Variants in CHORDC1 observed in about 807,000 individuals in gnomAD.
CHORDC1 encodes the protein cysteine and histidine rich domain containing 1, also known as cysteine and histidine-rich domain-containing protein 1.
CHORDC1 carries 25 observed loss-of-function variants against 48.3 expected under a neutral mutation model. The observed-to-expected ratio is 0.52, with a 90% CI of 0.38 to 0.72. The LOEUF is 0.72. Among genes scored for constraint, CHORDC1 ranks in the 30% least tolerant of loss-of-function variants. CHORDC1 has a pLI of 0.00. For synonymous variants in CHORDC1, 128 were observed against 126.4 expected, an observed-to-expected ratio of 1.01 and a Z score of -0.09; for missense variants, 317 against 388.7, an observed-to-expected ratio of 0.82 and a Z score of 1.55.
At chr11:90,221,353 A>C (rs1331680729) in intron 1 of CHORDC1, among the ~76,000 whole-genome samples, 1 of 152,172 alleles carries the variant, frequency 6.6e-6, no homozygotes, top group African/African-American at 2.4e-5. Flanking sequence ...CTCTAAAAAA[A>C]CCGTCATTTC....
chr11:90,202,223 CAAAA>C lies in CHORDC1; in HGVS notation c.*178_*181del. 2 of 597,306 alleles carry C rather than the reference CAAAA, an allele frequency of 3.3e-6. No individual in the cohort carries two copies. The highest frequency in any genetic ancestry group is 4.2e-5 in the South Asian group (2 of 47,810). 37.0% of individuals were successfully genotyped at this position (597,306 alleles called of 1,614,324 possible). ...AATGAATAATCAATCTTACATAACA[CAAAA>C]GAAAGATGAGAGGCACAAAAAGACA... On this transcript the variant is annotated 3_prime_UTR_variant, in exon 11 of 11. Coordinates refer to ENST00000320585, the MANE Select transcript of CHORDC1 (RefSeq NM_012124.3).
chr11:90,218,110 A>G, intron 2 of CHORDC1, 25 bp downstream of exon 2: 1 of 1,507,764 alleles, frequency 6.6e-7, no homozygotes, highest in South Asian at 1.3e-5. Flanking sequence ...CACAGATATG[A>G]AAAAAATGAA....
intron 6 of CHORDC1, 72 bp downstream of exon 6, chr11:90,210,462 TGA>T: frequency 1.1e-6 from 1 of 877,996 alleles, no homozygotes; most frequent in Non-Finnish European, 1.9e-6. Flanking sequence ...TTTGTTGAAT[TGA>T]GTCAGCAAAC....
Position 90,203,445 on chromosome 11 carries a change from C to A in CHORDC1, c.670-18G>T. 6.6e-7 allele frequency: 1 copy of A among 1,514,084 alleles called. No individual in the cohort carries two copies. Among genetic ancestry groups the A allele is most frequent in the Non-Finnish European group, 9.0e-7 (1 of 1,114,028 alleles). 93.8% of individuals were successfully genotyped at this position (1,514,084 alleles called of 1,614,324 possible). The stretch of plus-strand genomic sequence containing the variant: ...TTTTTCCCCTGTAATGTAAGAGAAA[C>A]TCTGTAAGTTAAAAAAGTGCCACAT... On this transcript the variant is annotated intron_variant, in intron 8 of 10. Transcript: ENST00000320585.
chr11:90,217,368 G>A (rs1858039566), intron 2 of CHORDC1, among the ~76,000 whole-genome samples: 2 of 152,114 alleles, frequency 1.3e-5, no homozygotes. Flanking sequence ...CTCTTTAAAT[G>A]TATCATACTA....
chr11:90,217,917 G>C (rs1443189744), intron 2 of CHORDC1: 2 of 281,772 alleles, frequency 7.1e-6, no homozygotes, highest in Middle Eastern at 9.9e-4. Flanking sequence ...AAAAAACCCA[G>C]AATTAAAATA....
intron 8 of CHORDC1, 107 bp from the exon 9 acceptor site, chr11:90,203,534 A>C: frequency 9.5e-7 from 1 of 1,051,682 alleles, no homozygotes; most frequent in Non-Finnish European, 1.3e-6. Flanking sequence ...ACAACAACTA[A>C]GCACTTAATG....
rs4753261 is a variant in CHORDC1, at chr11:90,200,742, T to C, written c.*1663A>G. Among the ~76,000 whole-genome samples, 1 of 151,712 alleles carries C rather than the reference T, an allele frequency of 6.6e-6. No homozygotes were observed. Among genetic ancestry groups the C allele is most frequent in the East Asian group, 1.9e-4 (1 of 5,174 alleles). On this transcript the variant is annotated 3_prime_UTR_variant, in exon 11 of 11. Transcript: ENST00000320585. Reference sequence around the variant, plus strand: ...CTTCAAATAATATTTCAATTACATGTAACAGATTAAGATACTGTTTAGGGG... The same window carrying C: ...CTTCAAATAATATTTCAATTACATGCAACAGATTAAGATACTGTTTAGGGG...
chr11:90,207,883 C>G (rs373000397), intron 6 of CHORDC1: 1 of 148,976 alleles, frequency 6.7e-6, no homozygotes, highest in Admixed American at 6.7e-5. Context: ...CCTTGGAAAA[C>G]TATGTGGAAG....
At chr11:90,205,396 A>C (rs1238038081) in intron 8 of CHORDC1, 64 bp downstream of exon 8, 5 of 1,032,252 alleles carry the variant, frequency 4.8e-6, no homozygotes, top group Non-Finnish European at 5.9e-6. Context: ...AATAATTTCA[A>C]ATCTTTAAAA....
In CHORDC1 at chr11:90,222,980, G is replaced by A. The variant is rs1028913453; in HGVS notation, c.-26C>T. 73 of 1,601,888 alleles carry A rather than the reference G, an allele frequency of 4.6e-5. No individual in the cohort carries two copies. The highest frequency in any genetic ancestry group is 6.2e-5 in the Non-Finnish European group (73 of 1,169,220). ...TTTCTTTTCCCACCGTCACAGGCAA[G>A]GCCCAAACACCGGGAACGGCAAGAG... On this transcript the variant is annotated 5_prime_UTR_variant, in exon 1 of 11. Coordinates refer to ENST00000320585, the MANE Select transcript of CHORDC1 (RefSeq NM_012124.3).
At chr11:90,204,249 T>C (rs2135026978) in intron 8 of CHORDC1, among the ~76,000 whole-genome samples, 1 of 152,310 alleles carries the variant, frequency 6.6e-6, no homozygotes, top group East Asian at 1.9e-4. Context: ...TATCTAGGAT[T>C]ATACTCCCAA....
intron 8 of CHORDC1, among the ~76,000 whole-genome samples, chr11:90,204,652 C>T (rs527561634): frequency 7.5e-4 from 114 of 151,592 alleles, no homozygotes; most frequent in African/African-American, 2.7e-3. Flanking sequence ...ACCCGGGAGG[C>T]GGAGGTTGCA....
chr11:90,207,936 C>G (rs896834614), intron 6 of CHORDC1: 16 of 151,858 alleles, frequency 1.1e-4, no homozygotes, highest in Admixed American at 1.3e-4. Flanking sequence ...ATACCTAATC[C>G]AAAATCTCAA....
intron 3 of CHORDC1, 149 bp from the exon 4 acceptor site, chr11:90,214,324 C>A: frequency 1.5e-6 from 1 of 651,542 alleles, no homozygotes; most frequent in Non-Finnish European, 2.3e-6. Context: ...AACAGAACTC[C>A]AAATTTGCCA....
At chr11:90,211,404 G>A (rs185336298) in intron 4 of CHORDC1, 86 bp from the exon 5 acceptor site, 13 of 837,266 alleles carry the variant, frequency 1.6e-5, no homozygotes, top group Non-Finnish European at 2.6e-5. Flanking sequence ...AAAGCTTTCT[G>A]AGAAGCCAAA....
At chr11:90,212,558 A>C (rs1857901146) in intron 4 of CHORDC1, 1 of 152,124 alleles carries the variant, frequency 6.6e-6, no homozygotes, top group Admixed American at 6.5e-5. Flanking sequence ...GCAGTGAGCT[A>C]TAATGCCACT....
chr11:90,202,860 C>A lies in CHORDC1; in HGVS notation c.805G>T (p.Val269Leu). Residue 269 changes from valine (V) to leucine (L), a missense_variant, in exon 10 of 11, where the codon GTA (valine) becomes TTA (leucine). Physicochemically the swap from Val to Leu is conservative, Grantham distance 32 (BLOSUM62 1). Transcript: ENST00000320585. ...TCAAATTCCTTCTCTCCTTCAAATA[C>A]AATATGCACATTTAACTGAAAAAGA... is the stretch of plus-strand genomic sequence containing the variant. ...ANSTLLNVHI[V>L]FEGEKEFDQN... The A allele has an allele frequency of 6.2e-7, 1 of 1,600,004 alleles. No individual in the cohort carries two copies. The highest frequency in any genetic ancestry group is 1.1e-5 in the South Asian group (1 of 88,510).
chr11:90,215,312 C>G, intron 2 of CHORDC1, 82 bp from the exon 3 acceptor site: 1 of 864,790 alleles, frequency 1.2e-6, no homozygotes, highest in Non-Finnish European at 1.8e-6. Flanking sequence ...TTGCACTTAT[C>G]TACTTGAATC....
Sources: gnomAD v4.1 joint callset for allele counts (sites outside exome capture counted in the v4.1 genomes callset) on GRCh38, gnomAD v4.1.1 for gene constraint, MANE v1.5 for transcripts, NCBI Gene and HGNC (gene_info 2026-07-23, HGNC 2026-07-21) for gene names.